CNTN1: variants seen among roughly 807,000 people sequenced by gnomAD.
The protein encoded by CNTN1 is contactin-1.
CNTN1 carries 38 observed loss-of-function variants against 126.4 expected under a neutral mutation model. That is an observed-to-expected ratio of 0.30 (90% confidence interval 0.23 to 0.39). The LOEUF is 0.39. CNTN1 is among the 10% of genes least tolerant of loss of function. The pLI is 1.00. For missense variants in CNTN1, 1,009 were observed against 1,248.4 expected, an observed-to-expected ratio of 0.81 and a Z score of 2.89; for synonymous variants, 413 against 422.6, an observed-to-expected ratio of 0.98 and a Z score of 0.28.
chr12:41,003,154 G>C (rs547644203), intron 17 of CNTN1, among the ~76,000 whole-genome samples: 23 of 152,076 alleles, frequency 1.5e-4, no homozygotes, highest in Non-Finnish European at 2.9e-4. Flanking sequence ...TTACATGACG[G>C]GGTGTTGAAT....
At chr12:40,842,888 G>C (rs1942340703) in intron 1 of CNTN1, among the ~76,000 whole-genome samples, 1 of 152,116 alleles carries the variant, frequency 6.6e-6, no homozygotes. Context: ...TTCTGTAGTA[G>C]TCGATCTTGT....
At chr12:40,773,933 G>A (rs1338324239) in intron 1 of CNTN1, among the ~76,000 whole-genome samples, 1 of 151,162 alleles carries the variant, frequency 6.6e-6, no homozygotes, top group Non-Finnish European at 1.5e-5. Flanking sequence ...AATTTTCATG[G>A]AACTTATTTT....
chr12:41,071,211 C>A lies in CNTN1; in HGVS notation c.*1176C>A, dbSNP rs1376288574. The A allele has an allele frequency of 6.6e-6, 1 of 151,936 alleles. No homozygotes were observed. The highest frequency in any genetic ancestry group is 1.5e-5 in the Non-Finnish European group (1 of 68,002). 9.4% of individuals were successfully genotyped at this position (151,936 alleles called of 1,614,324 possible). On this transcript the variant is annotated 3_prime_UTR_variant, in exon 24 of 24. Coordinates refer to ENST00000551295, the MANE Select transcript of CNTN1 (RefSeq NM_001843.4). ...TTGAAGAGTATGCAAAACTGGAAGGCCAGGAGGAGGCAAATAATATGTCTT... is the reference window on the plus strand; with the variant it reads ...TTGAAGAGTATGCAAAACTGGAAGGACAGGAGGAGGCAAATAATATGTCTT...
chr12:40,901,822 AT>A (rs1010585803), intron 1 of CNTN1, among the ~76,000 whole-genome samples: 1 of 152,204 alleles, frequency 6.6e-6, no homozygotes, highest in Non-Finnish European at 1.5e-5. Flanking sequence ...GTCTTCAGAA[AT>A]TTTTATGAAA....
chr12:41,022,927 G>C (rs184080327), intron 20 of CNTN1, among the ~76,000 whole-genome samples: 15 of 151,974 alleles, frequency 9.9e-5, no homozygotes, highest in Admixed American at 6.6e-4. Context: ...TTTTACACAG[G>C]GTCTTGGATA....
chr12:40,797,692 G>A (rs528729893), intron 1 of CNTN1, among the ~76,000 whole-genome samples: 36 of 152,166 alleles, frequency 2.4e-4, no homozygotes, highest in African/African-American at 8.2e-4. Flanking sequence ...TCTTTTAGGA[G>A]TTTATTGCAA....
intron 23 of CNTN1, among the ~76,000 whole-genome samples, chr12:41,029,657 T>C (rs1446023500): frequency 6.6e-6 from 1 of 152,170 alleles, no homozygotes; most frequent in Non-Finnish European, 1.5e-5. Flanking sequence ...TTGAATACTA[T>C]ATAATACTAG....
chr12:40,903,528 G>A (rs534972657), intron 1 of CNTN1, among the ~76,000 whole-genome samples: 14 of 152,072 alleles, frequency 9.2e-5, no homozygotes, highest in African/African-American at 3.4e-4. Flanking sequence ...CACATTAGTA[G>A]GATGGGCTCA....
chr12:40,843,137 C>T (rs1274500313), intron 1 of CNTN1, among the ~76,000 whole-genome samples: 1 of 152,102 alleles, frequency 6.6e-6, no homozygotes, highest in East Asian at 1.9e-4. Flanking sequence ...GAAAACATAC[C>T]TGATCCTAAG....
intron 15 of CNTN1, among the ~76,000 whole-genome samples, chr12:40,964,191 A>G (rs534413257): frequency 1.4e-3 from 210 of 152,266 alleles, no homozygotes; most frequent in Non-Finnish European, 2.7e-3. Context: ...AATTAAGATT[A>G]TATCTTATAT....
At position 40,908,376 on chromosome 12, in the gene CNTN1, T is replaced by A; in HGVS notation, c.-57T>A. 1 of 1,308,578 alleles carries A rather than the reference T, an allele frequency of 7.6e-7. No individual in the cohort carries two copies. Among genetic ancestry groups the A allele is most frequent in the Non-Finnish European group, 1.1e-6 (1 of 904,940 alleles). The allele number at this position is 1,308,578 out of a possible 1,614,324, so 81.1% of individuals were successfully genotyped here. On this transcript the variant is annotated 5_prime_UTR_variant, in exon 2 of 24. Transcript: ENST00000551295. ...ATGCAGGTGTTTAAAATTATCCAAC[T>A]GCCATAGAGCTAAATTCTTTTTTGG...
intron 5 of CNTN1, among the ~76,000 whole-genome samples, chr12:40,923,058 G>T (rs1945508222): frequency 6.7e-6 from 1 of 149,742 alleles, no homozygotes; most frequent in African/African-American, 2.5e-5. Context: ...GGTGAAAATT[G>T]TCTTTTGGGG....
chr12:40,700,003 G>T (rs1015113710), intron 1 of CNTN1, among the ~76,000 whole-genome samples: 1 of 152,110 alleles, frequency 6.6e-6, no homozygotes, highest in African/African-American at 2.4e-5. Flanking sequence ...CCTATATAGG[G>T]TTTTTACTTA....
chr12:40,713,454 A>G (rs1941974111), intron 1 of CNTN1, among the ~76,000 whole-genome samples: 1 of 145,552 alleles, frequency 6.9e-6, no homozygotes, highest in Non-Finnish European at 1.6e-5. Context: ...AATAAAGTAT[A>G]TATATATATA....
chr12:40,798,449 C>T (rs1592098924), intron 1 of CNTN1, among the ~76,000 whole-genome samples: 1 of 151,870 alleles, frequency 6.6e-6, no homozygotes, highest in East Asian at 1.9e-4. Context: ...ACCTGCAGCA[C>T]AAATAATGCA....
chr12:41,057,130 TATAA>T (rs1949839744), intron 23 of CNTN1, among the ~76,000 whole-genome samples: 1 of 143,942 alleles, frequency 6.9e-6, no homozygotes, highest in African/African-American at 2.5e-5. Flanking sequence ...TTTAGATATT[TATAA>T]ATATTATATT....
At chr12:40,740,682 G>A (rs1937905777) in intron 1 of CNTN1, among the ~76,000 whole-genome samples, 2 of 152,020 alleles carry the variant, frequency 1.3e-5, no homozygotes, top group African/African-American at 2.4e-5. Flanking sequence ...ATCTCATCTT[G>A]AATTGTAGCT....
chr12:40,877,345 T>C (rs977245320), intron 1 of CNTN1, among the ~76,000 whole-genome samples: 2 of 152,172 alleles, frequency 1.3e-5, no homozygotes, highest in African/African-American at 2.4e-5. Context: ...TCCTGAGAGA[T>C]GAGCAACTGG....
intron 23 of CNTN1, among the ~76,000 whole-genome samples, chr12:41,050,492 AACTC>A (rs763971244): frequency 3.0e-4 from 46 of 152,158 alleles, no homozygotes; most frequent in Non-Finnish European, 3.1e-4. Flanking sequence ...GTCTCATGAG[AACTC>A]ACTCACTATC....
Sources: gnomAD v4.1 joint callset for allele counts (sites outside exome capture counted in the v4.1 genomes callset) on GRCh38, gnomAD v4.1.1 for gene constraint, MANE v1.5 for transcripts, NCBI Gene and HGNC (gene_info 2026-07-23, HGNC 2026-07-21) for gene names.